SMG6: variants seen among roughly 807,000 people sequenced by gnomAD.
SMG6 encodes telomerase-binding protein EST1A.
Under a neutral mutation model 142.2 loss-of-function variants are expected in SMG6, and 66 were observed. The ratio of observed to expected loss-of-function variants is 0.46; its 90% CI spans 0.38 to 0.57. SMG6 has a LOEUF of 0.57. Among genes scored for constraint, SMG6 ranks in the 20% least tolerant of loss-of-function variants. The probability of loss-of-function intolerance (pLI) is 0.00; values close to 1 mark genes in which losing one functional copy is unlikely to be tolerated. For synonymous variants in SMG6, 779 were observed against 702.4 expected, an observed-to-expected ratio of 1.11 and a Z score of -1.72; for missense variants, 1,793 against 1,832.0, an observed-to-expected ratio of 0.98 and a Z score of 0.39.
chr17:2,235,320 G>A (rs2073619008), intron 10 of SMG6, among the ~76,000 whole-genome samples: 1 of 152,168 alleles, frequency 6.6e-6, no homozygotes, highest in African/African-American at 2.4e-5. Context: ...AAATCCTCTA[G>A]GATTCAGAAG....
intron 13 of SMG6, among the ~76,000 whole-genome samples, chr17:2,135,462 T>C (rs1458689289): frequency 6.6e-6 from 1 of 152,148 alleles, no homozygotes; most frequent in Non-Finnish European, 1.5e-5. Flanking sequence ...ACGTCTCCTC[T>C]TTCCCCGTCC....
intron 13 of SMG6, among the ~76,000 whole-genome samples, chr17:2,163,548 C>T (rs973428136): frequency 6.6e-6 from 1 of 152,126 alleles, no homozygotes; most frequent in African/African-American, 2.4e-5. Context: ...GGCTTCATAT[C>T]CAGCAACTTT....
In SMG6 at chr17:2,277,157, ATTTATTTATTTTTTAT is replaced by A. The variant is rs1567740218; in HGVS notation, c.2661+5474_2661+5489del. On this transcript the variant is annotated intron_variant, in intron 8 of 18. Transcript: ENST00000263073. Reference sequence around the variant, plus strand: ...CATTTATTTATTTATTTATTTATTTATTTATTTATTTTTTATTTTTTTTTTTTTTGAGACAGAGTCT... The same window carrying A: ...CATTTATTTATTTATTTATTTATTTATTTTTTTTTTTTTGAGACAGAGTCT... Among the ~76,000 whole-genome samples, 64 of 96,964 alleles carry A rather than the reference ATTTATTTATTTTTTAT, an allele frequency of 6.6e-4. 1 individual carries two copies. The highest frequency in any genetic ancestry group is 9.8e-4 in the Admixed American group (9 of 9,208). 63.6% of individuals were successfully genotyped at this position (96,964 alleles called of 152,430 possible). A position where few individuals can be genotyped will look rare whatever the true frequency, so the allele number is the denominator to read the frequency against.
chr17:2,237,617 G>C, intron 9 of SMG6: 2 of 947,296 alleles, frequency 2.1e-6, no homozygotes, highest in Non-Finnish European at 2.5e-6. Flanking sequence ...CCCTGGCCAA[G>C]TGCCACTCCC....
intron 13 of SMG6, among the ~76,000 whole-genome samples, chr17:2,120,310 A>T (rs2069647061): frequency 6.6e-6 from 1 of 152,266 alleles, no homozygotes; most frequent in African/African-American, 2.4e-5. Context: ...TGTATCTGAC[A>T]AATTACTTAC....
chr17:2,253,459 T>C (rs1436059059), intron 8 of SMG6, among the ~76,000 whole-genome samples: 1 of 152,138 alleles, frequency 6.6e-6, no homozygotes, highest in African/African-American at 2.4e-5. Flanking sequence ...TGTCTGCTGA[T>C]ACCTGGGCTA....
chr17:2,116,925 C>T (rs981169848), intron 13 of SMG6, among the ~76,000 whole-genome samples: 1 of 151,604 alleles, frequency 6.6e-6, no homozygotes, highest in African/African-American at 2.4e-5. Context: ...ACAGGCACTC[C>T]CCAGAAGAGG....
chr17:2,114,014 T>G (rs957512195), intron 13 of SMG6, among the ~76,000 whole-genome samples: 7 of 152,220 alleles, frequency 4.6e-5, no homozygotes, highest in African/African-American at 1.7e-4. Flanking sequence ...ACGCCTGTAA[T>G]CTCAGCAGTT....
intron 13 of SMG6, among the ~76,000 whole-genome samples, chr17:2,143,413 T>G (rs2070550720): frequency 1.3e-5 from 2 of 152,138 alleles, no homozygotes; most frequent in Non-Finnish European, 1.5e-5. Context: ...AGGAATGAAG[T>G]ACTGATATGA....
intron 13 of SMG6, among the ~76,000 whole-genome samples, chr17:2,119,058 AT>A (rs540988591): frequency 0.36 from 47,396 of 130,266 alleles, 8,046 homozygotes; most frequent in African/African-American, 0.5. Context: ...CACCTGGCTA[AT>A]TTTTTTTTTT....
intron 6 of SMG6, among the ~76,000 whole-genome samples, chr17:2,289,947 T>C (rs920376595): frequency 1.4e-5 from 2 of 139,754 alleles, no homozygotes; most frequent in African/African-American, 6.0e-5. Flanking sequence ...TATACATATA[T>C]ATATATATAT....
At chr17:2,070,489 G>A (rs571000118) in intron 15 of SMG6, among the ~76,000 whole-genome samples, 2 of 152,340 alleles carry the variant, frequency 1.3e-5, no homozygotes, top group South Asian at 4.1e-4. Flanking sequence ...GTGGACGTGC[G>A]TGCCAACCGA....
intron 10 of SMG6, among the ~76,000 whole-genome samples, chr17:2,205,869 C>T (rs2072662718): frequency 1.3e-5 from 2 of 152,078 alleles, no homozygotes; most frequent in Admixed American, 6.6e-5. Flanking sequence ...AGTACAGTGC[C>T]GCAATCTCAG....
intron 10 of SMG6, among the ~76,000 whole-genome samples, chr17:2,200,435 T>C (rs1360017250): frequency 6.6e-6 from 1 of 152,012 alleles, no homozygotes; most frequent in Non-Finnish European, 1.5e-5. Context: ...TGTATACATG[T>C]GCCATGTTGG....
intron 8 of SMG6, among the ~76,000 whole-genome samples, chr17:2,252,512 G>A (rs1189236497): frequency 2.0e-5 from 3 of 152,206 alleles, no homozygotes; most frequent in East Asian, 1.9e-4. Flanking sequence ...AACAGAGACC[G>A]CTGATCTTAA....
At chr17:2,243,286 C>T (rs1410359734) in intron 9 of SMG6, among the ~76,000 whole-genome samples, 2 of 152,190 alleles carry the variant, frequency 1.3e-5, no homozygotes, top group Non-Finnish European at 2.9e-5. Flanking sequence ...GTCCACCGCC[C>T]GTGGAGCAGA....
chr17:2,113,222 G>A (rs957612872), intron 13 of SMG6, among the ~76,000 whole-genome samples: 8 of 151,858 alleles, frequency 5.3e-5, no homozygotes, highest in Non-Finnish European at 1.0e-4. Flanking sequence ...CATTGCAGGC[G>A]TGTGCCACCA....
intron 12 of SMG6, 123 bp downstream of exon 12, chr17:2,186,537 TAAA>T (rs777684469): frequency 8.3e-5 from 94 of 1,134,142 alleles, no homozygotes; most frequent in Non-Finnish European, 1.1e-4. Context: ...AAAGTTCAAA[TAAA>T]GAAGAAATAG....
At chr17:2,180,060 T>C (rs945634746) in intron 12 of SMG6, among the ~76,000 whole-genome samples, 1 of 152,208 alleles carries the variant, frequency 6.6e-6, no homozygotes, top group African/African-American at 2.4e-5. Flanking sequence ...CCCACTGCCC[T>C]AGCCTTGCCA....
Sources: allele counts gnomAD v4.1 joint callset (sites outside exome capture counted in the v4.1 genomes callset), GRCh38; gene constraint gnomAD v4.1.1; transcripts MANE v1.5; gene names NCBI Gene and HGNC (gene_info 2026-07-23, HGNC 2026-07-21).